Variants in TJAP1 observed in about 807,000 individuals in gnomAD.
TJAP1 encodes the protein tight junction associated protein 1.
In TJAP1, 27 loss-of-function variants were observed where a neutral mutation model predicts 42.0. The observed-to-expected ratio is 0.64, with a 90% CI of 0.47 to 0.89. The LOEUF is 0.89. Ranked by LOEUF, TJAP1 falls within the 40% of genes least tolerant of loss-of-function variation. TJAP1 has a pLI of 0.00. For missense variants in TJAP1, 712 were observed against 726.9 expected (o/e 0.98, Z 0.24); for synonymous variants, 257 against 288.4 (o/e 0.89, Z 1.10).
chr6:43,487,724 C>T (rs1786842780), intron 2 of TJAP1, among the ~76,000 whole-genome samples: 1 of 151,994 alleles, frequency 6.6e-6, no homozygotes, highest in African/African-American at 2.4e-5. Flanking sequence ...AACATACATC[C>T]CTTGTGTAAA....
At chr6:43,498,615 G>A (rs1469917201) in intron 3 of TJAP1, among the ~76,000 whole-genome samples, 2 of 152,234 alleles carry the variant, frequency 1.3e-5, no homozygotes, top group East Asian at 3.8e-4. Context: ...GAAAACTAAT[G>A]CATAGAGAGC....
chr6:43,480,505 T>C (rs1785087247), intron 2 of TJAP1, among the ~76,000 whole-genome samples: 1 of 152,184 alleles, frequency 6.6e-6, no homozygotes, highest in African/African-American at 2.4e-5. Flanking sequence ...TTTCATGTAT[T>C]AACTAATTTA....
Position 43,502,628 on chromosome 6 carries a change from A to G in TJAP1, c.387+11A>G. On this transcript the variant is annotated intron_variant, in intron 8 of 10. Transcript: ENST00000372449. ...AGCTGGATTTTTGCAGTTGCGTCTG[A>G]GTTTGTGTGTCTTCTCCCTTGCCCT... 6.4e-7 allele frequency: 1 copy of G among 1,551,474 alleles called. No homozygotes were observed. The highest frequency in any genetic ancestry group is 8.7e-7 in the Non-Finnish European group (1 of 1,146,930).
intron 4 of TJAP1, among the ~76,000 whole-genome samples, chr6:43,500,378 G>A (rs1466205987): frequency 6.6e-6 from 1 of 152,192 alleles, no homozygotes; most frequent in Non-Finnish European, 1.5e-5. Flanking sequence ...TGACTTTTCT[G>A]GAAGGTCTCT....
intron 2 of TJAP1, among the ~76,000 whole-genome samples, chr6:43,482,997 C>T (rs933694062): frequency 1.3e-5 from 2 of 152,228 alleles, no homozygotes; most frequent in Middle Eastern, 3.4e-3. Context: ...TGGTGCGTAC[C>T]TGCAATCCCA....
intron 2 of TJAP1, among the ~76,000 whole-genome samples, chr6:43,488,422 C>A (rs1326657870): frequency 3.9e-5 from 6 of 152,154 alleles, no homozygotes. Context: ...CTCTGAGGGA[C>A]ATTTTTTTAT....
chr6:43,488,944 C>T (rs2127524378), intron 2 of TJAP1, among the ~76,000 whole-genome samples: 1 of 152,310 alleles, frequency 6.6e-6, no homozygotes, highest in South Asian at 2.1e-4. Context: ...GCCAGGCCCA[C>T]CTCTGTGGCC....
chr6:43,503,783 C>T (rs747396860), intron 10 of TJAP1, 77 bp downstream of exon 10: 15 of 1,295,528 alleles, frequency 1.2e-5, no homozygotes, highest in Non-Finnish European at 1.6e-5. Flanking sequence ...CCAGTTTCTG[C>T]ACCTCTCTCT....
chr6:43,482,461 C>G (rs1581892754), intron 2 of TJAP1, among the ~76,000 whole-genome samples: 1 of 152,192 alleles, frequency 6.6e-6, no homozygotes, highest in East Asian at 1.9e-4. Flanking sequence ...CTCATTCTAG[C>G]CTCTAGATCT....
intron 2 of TJAP1, among the ~76,000 whole-genome samples, chr6:43,482,208 G>A (rs1785472796): frequency 1.3e-5 from 2 of 152,174 alleles, no homozygotes; most frequent in South Asian, 4.2e-4. Context: ...CTGGATTCGG[G>A]TCACATTTTA....
At chr6:43,480,373 A>AAGCTGTGAGGCTTCCT (rs1274137038) in intron 2 of TJAP1, among the ~76,000 whole-genome samples, 4 of 152,250 alleles carry the variant, frequency 2.6e-5, no homozygotes, top group Non-Finnish European at 5.9e-5. Context: ...TTAAAATGCC[A>AAGCTGTGAGGCTTCCT]GTGATTTCCT....
chr6:43,501,738 ACACACACACACACACACACACT>A lies in TJAP1; in HGVS notation c.290+53_290+74del, dbSNP rs1561816738. On this transcript the variant is annotated intron_variant, in intron 6 of 10. Transcript: ENST00000372449. ...CACACACACACACACACACACACAC[ACACACACACACACACACACACT>A]CTCTCTGTCTCTCTCTCTCTCTGTG... is the stretch of plus-strand genomic sequence containing the variant. 1.3e-5 allele frequency: 9 copies of A among 692,178 alleles called. No individual in the cohort carries two copies. In the African/African-American group the frequency reaches 1.5e-4, roughly 12 times the overall value. 42.9% of individuals were successfully genotyped at this position (692,178 alleles called of 1,614,324 possible).
chr6:43,494,499 A>G (rs545126854), intron 2 of TJAP1, among the ~76,000 whole-genome samples: 7 of 147,652 alleles, frequency 4.7e-5, no homozygotes, highest in South Asian at 4.2e-4. Context: ...CTAGGCCTCA[A>G]CCTTTCTCCC....
At position 43,501,529 on chromosome 6, in the gene TJAP1, C is replaced by T. The variant is rs577738867; in HGVS notation, c.132C>T (p.Leu44=). Residue 44 remains leucine, a synonymous_variant, in exon 6 of 11, where the codon CTC becomes CTT. Transcript: ENST00000372449. The stretch of plus-strand genomic sequence containing the variant: ...TGATCCCACAACACCCTGCCAGGCT[C>T]TTACAGGAGGAGAATGAAGAGCTTC... 94 of 1,613,088 alleles carry T rather than the reference C, an allele frequency of 5.8e-5. No homozygotes were observed. The South Asian group carries it at 9.0e-4, about 15-fold the overall frequency.
intron 2 of TJAP1, among the ~76,000 whole-genome samples, chr6:43,496,023 A>T (rs1331868487): frequency 1.3e-5 from 2 of 152,096 alleles, no homozygotes. Context: ...GTACAGAGGA[A>T]TAGAGGAGGG....
chr6:43,498,739 C>T (rs1462964205), intron 3 of TJAP1, among the ~76,000 whole-genome samples: 1 of 152,136 alleles, frequency 6.6e-6, no homozygotes, highest in East Asian at 1.9e-4. Context: ...GGCCCTAGGC[C>T]CTGCCTTTCC....
At chr6:43,486,707 T>C (rs1050474751) in intron 2 of TJAP1, among the ~76,000 whole-genome samples, 3 of 152,172 alleles carry the variant, frequency 2.0e-5, no homozygotes, top group Non-Finnish European at 2.9e-5. Flanking sequence ...GGTCTTTGGC[T>C]GCTGGCTGCT....
chr6:43,477,701 G>A (rs1213992856), intron 1 of TJAP1, 73 bp downstream of exon 1: 1 of 152,422 alleles, frequency 6.6e-6, no homozygotes, highest in Admixed American at 6.5e-5. Context: ...CTAGCCTGTA[G>A]TAGGGGCGAA....
At chr6:43,481,573 G>A (rs1785329731) in intron 2 of TJAP1, among the ~76,000 whole-genome samples, 1 of 136,294 alleles carries the variant, frequency 7.3e-6, no homozygotes. Flanking sequence ...ATAGGAAGTA[G>A]CAAACTACAC....
Sources: allele counts gnomAD v4.1 joint callset (sites outside exome capture counted in the v4.1 genomes callset), GRCh38; gene constraint gnomAD v4.1.1; transcripts MANE v1.5; gene names NCBI Gene and HGNC (gene_info 2026-07-23, HGNC 2026-07-21).